Variants in CSMD1 observed in about 807,000 individuals in gnomAD.
CSMD1 encodes the protein CUB and Sushi multiple domains 1, also known as CUB and sushi domain-containing protein 1.
In CSMD1, 213 loss-of-function variants were observed where a neutral mutation model predicts 417.5. That is an observed-to-expected ratio of 0.51 (90% CI 0.46 to 0.57). The LOEUF (loss-of-function observed/expected upper bound fraction) is 0.57. Ranked by LOEUF, CSMD1 falls within the 20% of genes least tolerant of loss-of-function variation. The pLI, the probability that CSMD1 is intolerant of heterozygous loss-of-function variation, is 0.00. For synonymous variants in CSMD1, 2,862 were observed against 1,736.8 expected (o/e 1.65, Z -16.11); for missense variants, 6,923 against 4,529.7 (o/e 1.53, Z -15.17).
intron 5 of CSMD1, among the ~76,000 whole-genome samples, chr8:3,953,296 C>G (rs967184585): frequency 1.3e-5 from 2 of 152,056 alleles, no homozygotes; most frequent in African/African-American, 2.4e-5. Flanking sequence ...CTCAGAAATT[C>G]TCTCATAAAA....
At chr8:4,882,419 T>C (rs1457539985) in intron 1 of CSMD1, among the ~76,000 whole-genome samples, 1 of 151,656 alleles carries the variant, frequency 6.6e-6, no homozygotes, top group Non-Finnish European at 1.5e-5. Context: ...TGTGTGGCTT[T>C]AGCTTCAAAT....
At chr8:2,992,203 A>G (rs62487753) in intron 54 of CSMD1, among the ~76,000 whole-genome samples, 2 of 89,624 alleles carry the variant, frequency 2.2e-5, no homozygotes, top group East Asian at 2.4e-4. Context: ...ACACATACAT[A>G]CACACATGCA....
intron 5 of CSMD1, among the ~76,000 whole-genome samples, chr8:3,981,666 C>G (rs997972340): frequency 1.3e-5 from 2 of 151,862 alleles, no homozygotes; most frequent in African/African-American, 4.8e-5. Context: ...TCATAGTTTC[C>G]TTCTTTGACG....
chr8:4,483,255 C>A (rs1801201640), intron 2 of CSMD1, among the ~76,000 whole-genome samples: 1 of 152,286 alleles, frequency 6.6e-6, no homozygotes, highest in South Asian at 2.1e-4. Flanking sequence ...TGAGGCCTCC[C>A]CAGCCATGTG....
chr8:3,950,771 A>G (rs781118111), intron 5 of CSMD1, among the ~76,000 whole-genome samples: 2 of 152,212 alleles, frequency 1.3e-5, no homozygotes, highest in African/African-American at 4.8e-5. Flanking sequence ...CATCGCTAAC[A>G]AACAGTACAT....
At chr8:3,207,831 A>T (rs1361311268) in intron 30 of CSMD1, among the ~76,000 whole-genome samples, 2 of 152,148 alleles carry the variant, frequency 1.3e-5, no homozygotes, top group African/African-American at 4.8e-5. Context: ...ACTTCTCTAA[A>T]ACACTTCTAT....
At chr8:4,192,018 C>G (rs1403178729) in intron 3 of CSMD1, among the ~76,000 whole-genome samples, 2 of 152,176 alleles carry the variant, frequency 1.3e-5, no homozygotes, top group African/African-American at 4.8e-5. Flanking sequence ...AAGCTTCCCG[C>G]TGTTGCCAAT....
In CSMD1 at chr8:2,943,486, G is replaced by A. The variant is rs116944981; in HGVS notation, c.10403-882C>T. On this transcript the variant is annotated intron_variant, in intron 68 of 69. Transcript: ENST00000635120. ...CAAATGATCCACCTGCCTCGGCCTCGAAAAGTGCTGGAATTACAGGCTTAA... is the reference window on the plus strand; with the variant it reads ...CAAATGATCCACCTGCCTCGGCCTCAAAAAGTGCTGGAATTACAGGCTTAA... Among the ~76,000 whole-genome samples, 54 of 152,146 alleles carry A rather than the reference G, an allele frequency of 3.5e-4. No homozygotes were observed. In the East Asian group the frequency reaches 8.5e-3, roughly 24 times the overall value.
At chr8:4,092,626 G>T (rs542713213) in intron 3 of CSMD1, among the ~76,000 whole-genome samples, 1 of 152,152 alleles carries the variant, frequency 6.6e-6, no homozygotes. Flanking sequence ...GAAGAATGAC[G>T]TGAATTAAGA....
At chr8:4,458,315 G>C (rs770867147) in intron 2 of CSMD1, among the ~76,000 whole-genome samples, 1 of 151,668 alleles carries the variant, frequency 6.6e-6, no homozygotes, top group East Asian at 1.9e-4. Context: ...TTTTGTGTGC[G>C]CACAAGGGAT....
rs537954658 is a variant in CSMD1 at position 4,214,220 on chromosome 8, G to A, written c.416-182121C>T. On this transcript the variant is annotated intron_variant, in intron 3 of 69. Transcript: ENST00000635120. ...CTCAATAGATGGAAATTAAATGAAT[G>A]GACTAAAATGGAAGTAAGCCTTGAA... 1.7e-4 allele frequency among the ~76,000 whole-genome samples: 26 copies of A among 152,140 alleles called. No homozygotes were observed. In the South Asian group the frequency reaches 1.9e-3, roughly 11 times the overall value.
At chr8:4,095,315 A>G (rs1800946555) in intron 3 of CSMD1, among the ~76,000 whole-genome samples, 1 of 152,238 alleles carries the variant, frequency 6.6e-6, no homozygotes, top group Non-Finnish European at 1.5e-5. Context: ...ATTACCTGAT[A>G]TAACATTTGC....
At chr8:3,266,488 C>T (rs1801441143) in intron 26 of CSMD1, among the ~76,000 whole-genome samples, 1 of 151,438 alleles carries the variant, frequency 6.6e-6, no homozygotes, top group Admixed American at 6.6e-5. Flanking sequence ...CACCTGTAAT[C>T]CCAGCTACTT....
At chr8:3,907,822 G>A (rs1006884718) in intron 5 of CSMD1, among the ~76,000 whole-genome samples, 18 of 152,126 alleles carry the variant, frequency 1.2e-4, no homozygotes, top group Admixed American at 3.3e-4. Context: ...TATCTCTTCC[G>A]TAGTTCTTCT....
chr8:4,884,592 A>G (rs983414789), intron 1 of CSMD1, among the ~76,000 whole-genome samples: 3 of 152,034 alleles, frequency 2.0e-5, no homozygotes, highest in African/African-American at 7.3e-5. Context: ...TTTGCATTTG[A>G]ATATCTAGTT....
At chr8:3,856,523 C>G (rs147366033) in intron 5 of CSMD1, among the ~76,000 whole-genome samples, 4 of 152,148 alleles carry the variant, frequency 2.6e-5, no homozygotes, top group African/African-American at 7.2e-5. Context: ...ATGGAAATCA[C>G]GTAATAAATG....
chr8:3,291,817 T>C (rs1158799597), intron 25 of CSMD1, among the ~76,000 whole-genome samples: 4 of 152,228 alleles, frequency 2.6e-5, no homozygotes, highest in Non-Finnish European at 5.9e-5. Flanking sequence ...TTTTTGCGTC[T>C]CTATTTCCTT....
chr8:3,287,500 C>T (rs1209152613), intron 25 of CSMD1, among the ~76,000 whole-genome samples: 1 of 151,978 alleles, frequency 6.6e-6, no homozygotes, highest in Non-Finnish European at 1.5e-5. Flanking sequence ...TGTAGTTCTC[C>T]CTGAAGAGGT....
intron 7 of CSMD1, among the ~76,000 whole-genome samples, chr8:3,678,157 C>T (rs1406138784): frequency 6.6e-6 from 1 of 152,170 alleles, no homozygotes; most frequent in Admixed American, 6.5e-5. Flanking sequence ...AATGCAGCTC[C>T]TCACCAGCAA....
Sources: gnomAD v4.1 joint callset for allele counts (sites outside exome capture counted in the v4.1 genomes callset) on GRCh38, gnomAD v4.1.1 for gene constraint, MANE v1.5 for transcripts, NCBI Gene and HGNC (gene_info 2026-07-23, HGNC 2026-07-21) for gene names.